The following KCNH5 variants were observed in gnomAD, a reference collection of about 807,000 sequenced individuals.
KCNH5 encodes potassium voltage-gated channel subfamily H member 5.
Under a neutral mutation model 96.1 loss-of-function variants are expected in KCNH5, and 46 were observed. That is an observed-to-expected ratio of 0.48 (90% CI 0.38 to 0.61). The LOEUF (loss-of-function observed/expected upper bound fraction) is 0.61. Among genes scored for constraint, KCNH5 ranks in the 20% least tolerant of loss-of-function variants. The probability of loss-of-function intolerance (pLI) is 0.00; values close to 1 mark genes in which losing one functional copy is unlikely to be tolerated. For missense variants in KCNH5, 907 were observed against 1,225.8 expected (o/e 0.74, Z 3.88); for synonymous variants, 439 against 449.8 (o/e 0.98, Z 0.30).
intron 9 of KCNH5, among the ~76,000 whole-genome samples, chr14:62,795,352 C>A (rs1327809458): frequency 6.6e-6 from 1 of 152,082 alleles, no homozygotes; most frequent in Non-Finnish European, 1.5e-5. Flanking sequence ...ATTCAATGAA[C>A]CACAAATAGA....
intron 7 of KCNH5, among the ~76,000 whole-genome samples, chr14:62,885,683 C>T (rs748401766): frequency 1.3e-5 from 2 of 152,096 alleles, no homozygotes; most frequent in Non-Finnish European, 1.5e-5. Context: ...TCAGGGAGTT[C>T]GAGTTCAGCA....
At chr14:62,855,280 G>T (rs897426548) in intron 7 of KCNH5, among the ~76,000 whole-genome samples, 1 of 152,042 alleles carries the variant, frequency 6.6e-6, no homozygotes, top group Non-Finnish European at 1.5e-5. Context: ...CGACCATTCC[G>T]TTTTTTCTTT....
intron 7 of KCNH5, among the ~76,000 whole-genome samples, chr14:62,887,094 C>G (rs1349038328): frequency 6.6e-6 from 1 of 152,144 alleles, no homozygotes; most frequent in South Asian, 2.1e-4. Context: ...TTTGCTTAAA[C>G]TCTTATTATG....
chr14:62,995,314 G>A lies in KCNH5; in HGVS notation c.433+6017C>T, dbSNP rs186695419. ...TCTGGGATTACATTCTGATTTTGCCGGTGTATAGATTCACTTGTCTGTCCT... is the reference window on the plus strand; with the variant it reads ...TCTGGGATTACATTCTGATTTTGCCAGTGTATAGATTCACTTGTCTGTCCT... On this transcript the variant is annotated intron_variant, in intron 4 of 10. Coordinates refer to ENST00000322893, the MANE Select transcript of KCNH5 (RefSeq NM_139318.5). 3.4e-4 allele frequency among the ~76,000 whole-genome samples: 52 copies of A among 152,100 alleles called. 1 individual carries two copies. Among genetic ancestry groups the A allele is most frequent in the East Asian group, 9.7e-4 (5 of 5,178 alleles).
intron 8 of KCNH5, among the ~76,000 whole-genome samples, chr14:62,845,232 T>C (rs1887666886): frequency 1.3e-5 from 2 of 152,164 alleles, no homozygotes; most frequent in Non-Finnish European, 1.5e-5. Flanking sequence ...TACTGGGTGA[T>C]TGTTAAAATT....
At chr14:62,786,636 T>C (rs1364636152) in intron 9 of KCNH5, among the ~76,000 whole-genome samples, 1 of 152,222 alleles carries the variant, frequency 6.6e-6, no homozygotes, top group Non-Finnish European at 1.5e-5. Flanking sequence ...GCAGGTATTA[T>C]GTTTTTTACA....
In KCNH5 at chr14:62,779,750, A is replaced by G; in HGVS notation, c.1997T>C (p.Leu666Pro). Residue 666 changes from leucine to proline, a missense_variant, in exon 10 of 11, where the codon CTT becomes CCT. This residue lies in a region of KCNH5 where 57 missense variants were observed against 76.0 expected (regional missense o/e 0.75). Coordinates refer to ENST00000322893, the MANE Select transcript of KCNH5 (RefSeq NM_139318.5). ...FANSFSRNLT[L>P]TCNLRKRIIF... ...TACCCGTTTCCTCAGATTGCAAGTA[A>G]GAGTGAGATTCCTTGAGAAGGAGTT... 1 of 1,613,714 alleles carries G rather than the reference A, an allele frequency of 6.2e-7. No individual in the cohort carries two copies. The highest frequency in any genetic ancestry group is 8.5e-7 in the Non-Finnish European group (1 of 1,179,798).
intron 10 of KCNH5, among the ~76,000 whole-genome samples, chr14:62,748,075 G>T (rs1032145268): frequency 6.6e-6 from 1 of 152,130 alleles, no homozygotes; most frequent in African/African-American, 2.4e-5. Context: ...CCCAAGAGAG[G>T]GTTCTTTGAT....
intron 7 of KCNH5, among the ~76,000 whole-genome samples, chr14:62,908,793 T>G (rs2140098702): frequency 8.0e-6 from 1 of 125,222 alleles, no homozygotes; most frequent in Middle Eastern, 3.8e-3. Context: ...TTTTTTTTTT[T>G]TTTTTTTTTT....
intron 6 of KCNH5, among the ~76,000 whole-genome samples, chr14:62,956,236 C>A (rs1335377394): frequency 6.6e-6 from 1 of 152,052 alleles, no homozygotes; most frequent in East Asian, 1.9e-4. Flanking sequence ...TCATGTTGAG[C>A]AAAAGGAGCT....
In KCNH5 at chr14:62,854,785, C is replaced by G. The variant is rs138549504; in HGVS notation, c.1370-4933G>C. ...AATCTGGCATACATACCAGCAAATG[C>G]CTTACATAGAAAGTCTTATATTTTT... On this transcript the variant is annotated intron_variant, in intron 7 of 10. Coordinates refer to ENST00000322893, the MANE Select transcript of KCNH5 (RefSeq NM_139318.5). Among the ~76,000 whole-genome samples, 9 of 151,566 alleles carry G rather than the reference C, an allele frequency of 5.9e-5. No individual in the cohort carries two copies. The East Asian group carries it at 1.6e-3, about 27-fold the overall frequency.
intron 6 of KCNH5, among the ~76,000 whole-genome samples, chr14:62,967,069 T>C (rs1350765167): frequency 6.6e-6 from 1 of 152,138 alleles, no homozygotes; most frequent in Non-Finnish European, 1.5e-5. Context: ...CCTAATCTAA[T>C]ACTTCTAATA....
chr14:63,012,931 C>T (rs1391508001), intron 2 of KCNH5, among the ~76,000 whole-genome samples: 1 of 150,498 alleles, frequency 6.6e-6, no homozygotes, highest in South Asian at 2.1e-4. Flanking sequence ...ACAATAAACA[C>T]ACTTTAGAAT....
intron 7 of KCNH5, among the ~76,000 whole-genome samples, chr14:62,897,367 T>G (rs1488657389): frequency 6.6e-6 from 1 of 152,154 alleles, no homozygotes; most frequent in African/African-American, 2.4e-5. Flanking sequence ...TTCAAGCTAT[T>G]CTTAGGTCAG....
intron 8 of KCNH5, among the ~76,000 whole-genome samples, chr14:62,838,534 G>A (rs1159956081): frequency 6.6e-6 from 1 of 152,084 alleles, no homozygotes; most frequent in African/African-American, 2.4e-5. Context: ...AAAGCTAATG[G>A]GATTTATCTG....
At chr14:62,981,502 C>T (rs1392287877) in intron 5 of KCNH5, among the ~76,000 whole-genome samples, 4 of 152,242 alleles carry the variant, frequency 2.6e-5, no homozygotes, top group African/African-American at 9.6e-5. Flanking sequence ...CAACACTGAT[C>T]CACAACACTG....
intron 6 of KCNH5, 130 bp from the exon 7 acceptor site, chr14:62,950,689 G>T (rs564124288): frequency 3.2e-6 from 2 of 621,238 alleles, no homozygotes; most frequent in South Asian, 6.2e-5. Flanking sequence ...GTATATTATA[G>T]GTCTGATTTT....
chr14:62,897,422 G>GT (rs1181076682), intron 7 of KCNH5, among the ~76,000 whole-genome samples: 1 of 152,118 alleles, frequency 6.6e-6, no homozygotes, highest in African/African-American at 2.4e-5. Context: ...GGAAAGAAAT[G>GT]TTTTTCTAGA....
intron 1 of KCNH5, among the ~76,000 whole-genome samples, chr14:63,039,878 G>T (rs924563277): frequency 1.3e-5 from 2 of 151,934 alleles, no homozygotes; most frequent in African/African-American, 2.4e-5. Context: ...GTCAAATTTG[G>T]GGGGTGGCAA....
Sources: allele counts gnomAD v4.1 joint callset (sites outside exome capture counted in the v4.1 genomes callset), GRCh38; gene constraint gnomAD v4.1.1; regional missense constraint gnomAD v4.1.1; transcripts MANE v1.5; gene names NCBI Gene and HGNC (gene_info 2026-07-23, HGNC 2026-07-21).